GRM1: variants seen among roughly 807,000 people sequenced by gnomAD.
GRM1 encodes the protein metabotropic glutamate receptor 1.
A neutral mutation model predicts 90.9 loss-of-function variants in GRM1; 33 were observed. The observed-to-expected ratio is 0.36, with a 90% CI of 0.28 to 0.49. The LOEUF (loss-of-function observed/expected upper bound fraction) is 0.49. Ranked by LOEUF, GRM1 falls within the 20% of genes least tolerant of loss-of-function variation. The probability of loss-of-function intolerance (pLI) is 0.99; values close to 1 mark genes in which losing one functional copy is unlikely to be tolerated. For missense variants in GRM1, 1,190 were observed against 1,534.3 expected, an observed-to-expected ratio of 0.78 and a Z score of 3.75; for synonymous variants, 700 against 613.2, an observed-to-expected ratio of 1.14 and a Z score of -2.09.
At chr6:146,269,053 A>T (rs1157812692) in intron 2 of GRM1, among the ~76,000 whole-genome samples, 2 of 152,224 alleles carry the variant, frequency 1.3e-5, no homozygotes, top group African/African-American at 4.8e-5. Flanking sequence ...TACAAAAGGT[A>T]CTCAAGATCA....
intron 6 of GRM1, among the ~76,000 whole-genome samples, chr6:146,390,187 T>G (rs1391704568): frequency 6.6e-6 from 1 of 152,096 alleles, no homozygotes; most frequent in African/African-American, 2.4e-5. Context: ...AAAATATACT[T>G]AAAATCACTT....
intron 2 of GRM1, among the ~76,000 whole-genome samples, chr6:146,269,926 C>T (rs1377622647): frequency 6.6e-6 from 1 of 151,082 alleles, no homozygotes; most frequent in Non-Finnish European, 1.5e-5. Context: ...GCAATAAATA[C>T]TTGCTAAACA....
rs567069568 is a variant in GRM1, at chr6:146,105,776, T to C, written c.701-53572T>C. On this transcript the variant is annotated intron_variant, in intron 1 of 7. Transcript: ENST00000282753. ...TGAAGTCCACACTTCAAAATTTCTT[T>C]AGAGTCAAGAAATTAAGAATAACAG... 1.2e-4 allele frequency among the ~76,000 whole-genome samples: 18 copies of C among 152,320 alleles called. No individual in the cohort carries two copies. The South Asian group carries it at 2.9e-3, about 25-fold the overall frequency.
chr6:146,287,606 G>A (rs930732658), intron 2 of GRM1, among the ~76,000 whole-genome samples: 1 of 152,172 alleles, frequency 6.6e-6, no homozygotes, highest in African/African-American at 2.4e-5. Context: ...CCAACAGGAT[G>A]TGCCAGTCCC....
chr6:146,353,581 C>T (rs1430553234), intron 4 of GRM1, among the ~76,000 whole-genome samples: 1 of 152,204 alleles, frequency 6.6e-6, no homozygotes, highest in African/African-American at 2.4e-5. Context: ...TCTTTTACAA[C>T]ATCACACTGC....
At chr6:146,362,965 A>C (rs1161542150) in intron 5 of GRM1, among the ~76,000 whole-genome samples, 1 of 152,134 alleles carries the variant, frequency 6.6e-6, no homozygotes. Flanking sequence ...GTCCACTAAG[A>C]AACCATTTAT....
intron 1 of GRM1, among the ~76,000 whole-genome samples, chr6:146,102,364 G>C (rs1360095276): frequency 1.3e-5 from 2 of 152,140 alleles, no homozygotes; most frequent in African/African-American, 2.4e-5. Flanking sequence ...TATCTTCATT[G>C]GTTGGAGTCT....
At chr6:146,343,333 T>A (rs945384642) in intron 3 of GRM1, among the ~76,000 whole-genome samples, 1 of 152,232 alleles carries the variant, frequency 6.6e-6, no homozygotes, top group Non-Finnish European at 1.5e-5. Context: ...AAAAAAATGC[T>A]ATGCTCTTTG....
intron 7 of GRM1, among the ~76,000 whole-genome samples, chr6:146,410,694 G>A (rs539987655): frequency 1.3e-5 from 2 of 152,032 alleles, no homozygotes; most frequent in Admixed American, 6.6e-5. Flanking sequence ...TAAGAAAGAG[G>A]GGGTTAAGGT....
intron 2 of GRM1, among the ~76,000 whole-genome samples, chr6:146,221,426 A>G (rs527854797): frequency 6.6e-6 from 1 of 152,156 alleles, no homozygotes; most frequent in Admixed American, 6.6e-5. Context: ...AATCCCACTT[A>G]TGAGTGAGAA....
chr6:146,084,697 G>C (rs996087826), intron 1 of GRM1, among the ~76,000 whole-genome samples: 10 of 152,166 alleles, frequency 6.6e-5, no homozygotes, highest in African/African-American at 2.4e-4. Context: ...ATGGCACTGG[G>C]AAGAATGCAT....
In GRM1 at chr6:146,087,977, G is replaced by T. The variant is rs987918987; in HGVS notation, c.700+57760G>T. 3.3e-5 allele frequency among the ~76,000 whole-genome samples: 5 copies of T among 152,222 alleles called. 1 individual carries two copies. The South Asian group carries it at 8.3e-4, about 25-fold the overall frequency. On this transcript the variant is annotated intron_variant, in intron 1 of 7. Coordinates refer to ENST00000282753, the MANE Select transcript of GRM1 (RefSeq NM_001278064.2). ...TACCCAGAAGTGCTATTGCTCATTT[G>T]CATGCTGAGTATATGTTTAGCTTTT...
intron 7 of GRM1, among the ~76,000 whole-genome samples, chr6:146,416,841 G>A (rs1777804360): frequency 6.6e-6 from 1 of 152,132 alleles, no homozygotes. Context: ...AGCACCGTGA[G>A]ACTTCCAGAA....
intron 1 of GRM1, among the ~76,000 whole-genome samples, chr6:146,112,298 A>G (rs1775589397): frequency 6.6e-6 from 1 of 152,128 alleles, no homozygotes; most frequent in South Asian, 2.1e-4. Context: ...AAAAAGAACA[A>G]CACAAGTATA....
intron 3 of GRM1, among the ~76,000 whole-genome samples, chr6:146,329,773 A>C (rs1322062185): frequency 1.3e-5 from 2 of 152,182 alleles, no homozygotes; most frequent in Non-Finnish European, 2.9e-5. Flanking sequence ...TATGCTCAGA[A>C]ATTTTACATT....
intron 2 of GRM1, among the ~76,000 whole-genome samples, chr6:146,175,004 G>A (rs1322010035): frequency 6.6e-6 from 1 of 151,912 alleles, no homozygotes; most frequent in Non-Finnish European, 1.5e-5. Flanking sequence ...GAGAGAGATC[G>A]AGAGAGAGAG....
At chr6:146,140,422 C>T (rs1257129759) in intron 1 of GRM1, among the ~76,000 whole-genome samples, 1 of 151,996 alleles carries the variant, frequency 6.6e-6, no homozygotes, top group Non-Finnish European at 1.5e-5. Context: ...GCATGCACCA[C>T]CATACCAGGC....
chr6:146,238,674 T>A (rs1780740187), intron 2 of GRM1, among the ~76,000 whole-genome samples: 1 of 152,156 alleles, frequency 6.6e-6, no homozygotes, highest in African/African-American at 2.4e-5. Context: ...TGTAACTTTT[T>A]CTTTTTCCCT....
chr6:146,418,305 AG>A (rs1467618585), intron 7 of GRM1, among the ~76,000 whole-genome samples: 2 of 151,934 alleles, frequency 1.3e-5, no homozygotes, highest in African/African-American at 4.8e-5. Flanking sequence ...TAAAGCTAAG[AG>A]GAAAAAGAAT....
Sources: allele counts gnomAD v4.1 joint callset (sites outside exome capture counted in the v4.1 genomes callset), GRCh38; gene constraint gnomAD v4.1.1; transcripts MANE v1.5; gene names NCBI Gene and HGNC (gene_info 2026-07-23, HGNC 2026-07-21).